Variants in CEMIP observed in about 807,000 individuals in gnomAD.
The protein encoded by CEMIP is cell migration-inducing and hyaluronan-binding protein.
In CEMIP, 105 loss-of-function variants were observed where a neutral mutation model predicts 156.9. That is an observed-to-expected ratio of 0.67 (90% CI 0.57 to 0.79). The LOEUF (loss-of-function observed/expected upper bound fraction) is 0.79. Among genes scored for constraint, CEMIP ranks in the 30% least tolerant of loss-of-function variants. The pLI is 0.00. For synonymous variants in CEMIP, 676 were observed against 668.4 expected (o/e 1.01, Z -0.17); for missense variants, 1,457 against 1,769.4 (o/e 0.82, Z 3.17).
chr15:80,887,802 T>C, intron 8 of CEMIP, 38 bp downstream of exon 8: 1 of 1,498,054 alleles, frequency 6.7e-7, no homozygotes, highest in East Asian at 2.3e-5. Flanking sequence ...TTCCCTCCAG[T>C]GTCTCTCTGA....
chr15:80,925,516 C>A, intron 18 of CEMIP, 108 bp from the exon 19 acceptor site: 1 of 1,471,048 alleles, frequency 6.8e-7, no homozygotes, highest in Non-Finnish European at 9.3e-7. Flanking sequence ...TCAGTCAATG[C>A]CTTCCTGGGC....
chr15:80,881,419 T>C (rs1267215338), intron 6 of CEMIP, among the ~76,000 whole-genome samples: 1 of 152,164 alleles, frequency 6.6e-6, no homozygotes, highest in Non-Finnish European at 1.5e-5. Flanking sequence ...AGAGTGTAAC[T>C]AGGGAAGACC....
At chr15:80,817,227 G>A (rs963804721) in intron 1 of CEMIP, among the ~76,000 whole-genome samples, 1 of 152,122 alleles carries the variant, frequency 6.6e-6, no homozygotes, top group African/African-American at 2.4e-5. Flanking sequence ...GTCATTTGAA[G>A]GAGAAGTGAG....
intron 14 of CEMIP, chr15:80,909,760 G>C (rs1899972741): frequency 2.5e-6 from 1 of 393,976 alleles, no homozygotes; most frequent in Non-Finnish European, 5.1e-6. Context: ...GTGCTGCTGG[G>C]AGAAATACTC....
At chr15:80,827,874 G>T (rs1016783475) in intron 1 of CEMIP, among the ~76,000 whole-genome samples, 1 of 152,108 alleles carries the variant, frequency 6.6e-6, no homozygotes, top group Non-Finnish European at 1.5e-5. Flanking sequence ...TTATCAGTTT[G>T]GCATTCCTGT....
Position 80,932,103 on chromosome 15 carries a change from C to T in CEMIP, c.2793+64C>T. On this transcript the variant is annotated intron_variant, in intron 22 of 29. Coordinates refer to ENST00000394685, the MANE Select transcript of CEMIP (RefSeq NM_001293298.2). This position sits in a 1 kb window ranked among gnomAD's most constrained non-coding sequence, Gnocchi z 4.5. ...ACTTTGGATGGTGATTCACAAGTCC[C>T]CTGGGTCCCAGAGTTTGAGCTATTG... is the stretch of plus-strand genomic sequence containing the variant. 6.3e-7 allele frequency: 1 copy of T among 1,578,398 alleles called. No individual in the cohort carries two copies. The highest frequency in any genetic ancestry group is 2.2e-5 in the East Asian group (1 of 44,760).
chr15:80,866,318 G>A (rs1038014327), intron 1 of CEMIP, among the ~76,000 whole-genome samples: 2 of 152,180 alleles, frequency 1.3e-5, no homozygotes, highest in African/African-American at 2.4e-5. Flanking sequence ...GGCTGGGCAC[G>A]TTGGCTCAAG....
At chr15:80,825,778 A>AC (rs1410174545) in intron 1 of CEMIP, among the ~76,000 whole-genome samples, 3 of 152,222 alleles carry the variant, frequency 2.0e-5, no homozygotes, top group African/African-American at 7.2e-5. Context: ...ATGCAGGATG[A>AC]CCCCTCGGGC....
At chr15:80,884,391 A>G in intron 7 of CEMIP, 37 bp downstream of exon 7, 2 of 1,600,878 alleles carry the variant, frequency 1.2e-6, no homozygotes, top group Non-Finnish European at 8.6e-7. Flanking sequence ...TGGGCTCTGG[A>G]ACATTGAAGC....
At chr15:80,823,316 C>A (rs1199343251) in intron 1 of CEMIP, among the ~76,000 whole-genome samples, 1 of 152,144 alleles carries the variant, frequency 6.6e-6, no homozygotes, top group African/African-American at 2.4e-5. Context: ...CAGTTGGAGT[C>A]CCCAGAGGGT....
intron 1 of CEMIP, among the ~76,000 whole-genome samples, chr15:80,800,411 G>A (rs113228034): frequency 0.054 from 8,273 of 152,176 alleles, 278 homozygotes; most frequent in Middle Eastern, 0.099. Flanking sequence ...CTACCTTTGC[G>A]GAATGAATGA....
intron 1 of CEMIP, among the ~76,000 whole-genome samples, chr15:80,814,345 G>C (rs376918066): frequency 1.3e-5 from 2 of 152,026 alleles, no homozygotes; most frequent in Admixed American, 1.3e-4. Flanking sequence ...CACTGAGCCC[G>C]GCCTAAACTC....
At chr15:80,824,127 GAGAA>G (rs763804610) in intron 1 of CEMIP, among the ~76,000 whole-genome samples, 9 of 152,226 alleles carry the variant, frequency 5.9e-5, no homozygotes, top group Non-Finnish European at 1.3e-4. Flanking sequence ...CAGCGCAAGT[GAGAA>G]AGACCGTGAA....
chr15:80,815,251 G>C (rs1478913108), intron 1 of CEMIP, among the ~76,000 whole-genome samples: 2 of 152,322 alleles, frequency 1.3e-5, no homozygotes, highest in African/African-American at 4.8e-5. Flanking sequence ...CTGAGATTAG[G>C]TTTCTTCATC....
intron 7 of CEMIP, 47 bp downstream of exon 7, chr15:80,884,401 C>A (rs1274342862): frequency 1.0e-5 from 16 of 1,573,272 alleles, no homozygotes; most frequent in African/African-American, 1.3e-5. Context: ...AACATTGAAG[C>A]CACTCTATCC....
chr15:80,940,775 C>G (rs1207235468), intron 25 of CEMIP, among the ~76,000 whole-genome samples: 1 of 152,208 alleles, frequency 6.6e-6, no homozygotes, highest in Non-Finnish European at 1.5e-5. Context: ...GCAACCAAGA[C>G]AGCAGGGAGG....
rs141362848 is a variant in CEMIP, at chr15:80,889,227, G to T, written c.965-244G>T. Among the ~76,000 whole-genome samples the T allele has an allele frequency of 1.2e-3, 184 of 152,324 alleles. 1 individual carries two copies. The highest frequency in any genetic ancestry group is 4.2e-3 in the African/African-American group (173 of 41,572). ...TTTCTTTTCTCTTTAATTTGCTTTT[G>T]CAATAACAAAGAATATAAATTGCTT... On this transcript the variant is annotated intron_variant, in intron 9 of 29. Transcript: ENST00000394685.
chr15:80,907,339 G>A (rs2141889571), intron 13 of CEMIP, among the ~76,000 whole-genome samples: 1 of 152,342 alleles, frequency 6.6e-6, no homozygotes, highest in African/African-American at 2.4e-5. Context: ...AAGGCGGGTG[G>A]ATCACCTGAG....
intron 3 of CEMIP, among the ~76,000 whole-genome samples, chr15:80,876,571 G>T (rs1329121995): frequency 6.6e-6 from 1 of 152,260 alleles, no homozygotes; most frequent in East Asian, 1.9e-4. Context: ...CTGACAGCAA[G>T]GCAGAGGGAG....
Sources: gnomAD v4.1 joint callset for allele counts (sites outside exome capture counted in the v4.1 genomes callset) on GRCh38, gnomAD v4.1.1 for gene constraint, Gnocchi (gnomAD v3.1) non-coding constraint, MANE v1.5 for transcripts, NCBI Gene and HGNC (gene_info 2026-07-23, HGNC 2026-07-21) for gene names.